The following IQSEC1 variants were observed in gnomAD, a reference collection of about 807,000 sequenced individuals.
The protein encoded by IQSEC1 is IQ motif and Sec7 domain ArfGEF 1, also known as IQ motif and SEC7 domain-containing protein 1.
A neutral mutation model predicts 91.0 loss-of-function variants in IQSEC1; 31 were observed. The ratio of observed to expected loss-of-function variants is 0.34; its 90% CI spans 0.26 to 0.46. IQSEC1 has a LOEUF of 0.46. IQSEC1 is among the 20% of genes least tolerant of loss of function. The pLI is 1.00. For synonymous variants in IQSEC1, 699 were observed against 662.6 expected (o/e 1.05, Z -0.84); for missense variants, 1,388 against 1,575.6 (o/e 0.88, Z 2.02).
chr3:13,201,168 C>T (rs778327307), intron 1 of IQSEC1, among the ~76,000 whole-genome samples: 17 of 152,154 alleles, frequency 1.1e-4, no homozygotes, highest in Non-Finnish European at 1.9e-4. Flanking sequence ...AAACAGAAGT[C>T]GGCTCCCTCA....
At chr3:13,281,494 T>C (rs1695788889) in intron 1 of IQSEC1, among the ~76,000 whole-genome samples, 1 of 151,632 alleles carries the variant, frequency 6.6e-6, no homozygotes, top group Non-Finnish European at 1.5e-5. Flanking sequence ...CCCGACCCCA[T>C]CCTCACAATG....
rs759052806 is a variant in IQSEC1 at position 12,901,296 on chromosome 3, T to G, written c.3032A>C (p.His1011Pro). 2 of 1,342,348 alleles carry G rather than the reference T, an allele frequency of 1.5e-6. No individual in the cohort carries two copies. The highest frequency in any genetic ancestry group is 2.5e-5 in the South Asian group (2 of 81,370). 83.2% of individuals were successfully genotyped at this position (1,342,348 alleles called of 1,614,324 possible). ...LPHLQHSVAGHHLGPPEGLPQ... is the reference protein window; with the variant it reads ...LPHLQHSVAGPHLGPPEGLPQ... ...CAGCCCCTCTGGGGGCCCCAGGTGG[T>G]GGCCAGCCACAGAGTGCTGCAAGTG... Residue 1011 changes from histidine to proline, a missense_variant, in exon 14 of 14, where the codon CAC becomes CCC. Physicochemically the swap from His to Pro is moderately conservative, Grantham distance 77. This residue lies in a region of IQSEC1 where 329 missense variants were observed against 257.8 expected (regional missense o/e 1.28). Transcript: ENST00000613206.
At chr3:13,265,948 G>C (rs940537276) in intron 1 of IQSEC1, among the ~76,000 whole-genome samples, 1 of 143,242 alleles carries the variant, frequency 7.0e-6, no homozygotes, top group Non-Finnish European at 1.5e-5. Flanking sequence ...ACCAGATAAC[G>C]GGAAGCAGCT....
chr3:13,170,528 C>T (rs1005195647), intron 1 of IQSEC1, among the ~76,000 whole-genome samples: 7 of 152,200 alleles, frequency 4.6e-5, no homozygotes, highest in Admixed American at 1.3e-4. Context: ...AAGCTGCAGA[C>T]ACTCAATGCC....
At chr3:13,251,468 T>C (rs1345177316) in intron 1 of IQSEC1, among the ~76,000 whole-genome samples, 1 of 152,224 alleles carries the variant, frequency 6.6e-6, no homozygotes, top group South Asian at 2.1e-4. Flanking sequence ...AATAAATGAA[T>C]AGTGTTTGCT....
At chr3:13,023,863 C>A (rs536957212) in intron 1 of IQSEC1, among the ~76,000 whole-genome samples, 1 of 152,344 alleles carries the variant, frequency 6.6e-6, no homozygotes, top group African/African-American at 2.4e-5. Context: ...CCTCCACCTG[C>A]CACAGGGGCT....
intron 1 of IQSEC1, among the ~76,000 whole-genome samples, chr3:13,043,046 C>T (rs946918726): frequency 2.0e-4 from 30 of 152,286 alleles, no homozygotes; most frequent in Non-Finnish European, 2.8e-4. Flanking sequence ...GACAGGGTCG[C>T]CCAGCGCCTG....
Position 13,136,377 on chromosome 3 carries a change from C to G in IQSEC1, c.302+27727G>C, listed in dbSNP as rs1182433704. 4.6e-5 allele frequency among the ~76,000 whole-genome samples: 7 copies of G among 152,244 alleles called. No homozygotes were observed. In the East Asian group the frequency reaches 1.4e-3, roughly 29 times the overall value. On this transcript the variant is annotated intron_variant, in intron 2 of 15. Transcript: ENST00000648114. Reference sequence around the variant, plus strand: ...GGGAACTATCTTTCCAAATTGGGGCCGGGAATGATCCCTTAAACGAGAAAC... The same window carrying G: ...GGGAACTATCTTTCCAAATTGGGGCGGGGAATGATCCCTTAAACGAGAAAC...
intron 12 of IQSEC1, among the ~76,000 whole-genome samples, chr3:12,903,960 A>C (rs1286286468): frequency 6.6e-6 from 1 of 152,172 alleles, no homozygotes; most frequent in Non-Finnish European, 1.5e-5. Context: ...GACCGCCTCT[A>C]AGGCTGGATA....
At chr3:13,125,918 C>G (rs984766369) in intron 2 of IQSEC1, among the ~76,000 whole-genome samples, 3 of 152,170 alleles carry the variant, frequency 2.0e-5, no homozygotes, top group African/African-American at 7.2e-5. Flanking sequence ...ATAATTTTCT[C>G]ACTGGGACTA....
At chr3:13,064,513 G>A (rs991964583) in intron 1 of IQSEC1, among the ~76,000 whole-genome samples, 4 of 152,188 alleles carry the variant, frequency 2.6e-5, no homozygotes, top group East Asian at 1.9e-4. Context: ...CTGCCTGGTC[G>A]TGTGACAGCG....
rs768974533 is a variant in IQSEC1 at position 12,935,597 on chromosome 3, G to A, written c.1419C>T (p.Ser473=). 8 of 1,614,142 alleles carry A rather than the reference G, an allele frequency of 5.0e-6. No homozygotes were observed. Among genetic ancestry groups the A allele is most frequent in the East Asian group, 2.2e-5 (1 of 44,888 alleles). The change falls in exon 3 of 14, where the codon TCC becomes TCT. Residue 473 remains serine, a synonymous_variant. Coordinates refer to ENST00000613206, the MANE Select transcript of IQSEC1 (RefSeq NM_001134382.3). This position sits in a 1 kb window ranked among gnomAD's most constrained non-coding sequence, Gnocchi z 8.0. ...SNSNDTINCS[S]ESSSRDSLRE... ...GCAGGCTGTCACGGGACGATGACTC[G>A]GAGCTGCAGTTGATGGTATCGTTGG...
chr3:13,050,490 A>C (rs1386909559), intron 1 of IQSEC1, among the ~76,000 whole-genome samples: 1 of 152,246 alleles, frequency 6.6e-6, no homozygotes, highest in Non-Finnish European at 1.5e-5. Flanking sequence ...TGCAAACCAG[A>C]AAACGCCATT....
chr3:13,251,494 C>G (rs1318841925), intron 1 of IQSEC1, among the ~76,000 whole-genome samples: 1 of 152,186 alleles, frequency 6.6e-6, no homozygotes, highest in South Asian at 2.1e-4. Flanking sequence ...AACCTTCACA[C>G]TCAGGAATAT....
rs1476444115 is a variant in IQSEC1 at position 12,898,406 on chromosome 3, G to GA, written c.*2576dup. ...CACTGAGTGCGGCGGGAAACCCCGG[G>GA]AAGGGCTCAGTGGGTTCCAGCAGTT... On this transcript the variant is annotated 3_prime_UTR_variant, in exon 14 of 14. Transcript: ENST00000613206. The GA allele has an allele frequency of 6.6e-6, 1 of 152,296 alleles. No individual in the cohort carries two copies. The highest frequency in any genetic ancestry group is 1.5e-5 in the Non-Finnish European group (1 of 68,062). The allele number at this position is 152,296 out of a possible 1,614,324, so 9.4% of individuals were successfully genotyped here. A position where few individuals can be genotyped will look rare whatever the true frequency, so the allele number is the denominator to read the frequency against.
At position 12,970,436 on chromosome 3, in the gene IQSEC1, CTT is replaced by C. The variant is rs1700837523; in HGVS notation, c.24-28573_24-28572del. Among the ~76,000 whole-genome samples the C allele has an allele frequency of 1.3e-5, 2 of 152,204 alleles. No homozygotes were observed. The highest frequency in any genetic ancestry group is 2.4e-5 in the African/African-American group (1 of 41,438). On this transcript the variant is annotated intron_variant, in intron 1 of 13. Coordinates refer to ENST00000613206, the MANE Select transcript of IQSEC1 (RefSeq NM_001134382.3). This position sits in a 1 kb window ranked among gnomAD's most constrained non-coding sequence, Gnocchi z 4.4. Reference sequence around the variant, plus strand: ...GCCCATTTCACATGCTACAACCCGACTTTATCTCTATCCTCCCCAGCTTCTGA... The same window carrying C: ...GCCCATTTCACATGCTACAACCCGACTATCTCTATCCTCCCCAGCTTCTGA...
intron 1 of IQSEC1, among the ~76,000 whole-genome samples, chr3:12,952,456 C>T (rs1443999060): frequency 6.6e-6 from 1 of 152,222 alleles, no homozygotes; most frequent in African/African-American, 2.4e-5. Flanking sequence ...CTGTGTGGCC[C>T]TCATCTTTTC....
chr3:12,954,502 G>C (rs1301454215), intron 1 of IQSEC1, among the ~76,000 whole-genome samples: 1 of 152,182 alleles, frequency 6.6e-6, no homozygotes, highest in Admixed American at 6.5e-5. Flanking sequence ...TGGGGGAGAG[G>C]GGTTCCCCTC....
chr3:13,049,576 C>T (rs1020245989), intron 1 of IQSEC1, among the ~76,000 whole-genome samples: 11 of 152,186 alleles, frequency 7.2e-5, no homozygotes, highest in Admixed American at 1.3e-4. Flanking sequence ...TTCCCTGCCT[C>T]CTTATCCAGA....
Sources: allele counts gnomAD v4.1 joint callset (sites outside exome capture counted in the v4.1 genomes callset), GRCh38; gene constraint gnomAD v4.1.1; regional missense constraint gnomAD v4.1.1; non-coding constraint Gnocchi (gnomAD v3.1); transcripts MANE v1.5; gene names NCBI Gene and HGNC (gene_info 2026-07-23, HGNC 2026-07-21).